The following FAM171A1 variants were observed in gnomAD, a reference collection of about 807,000 sequenced individuals.
FAM171A1 encodes the protein family with sequence similarity 171 member A1, also known as protein FAM171A1.
A neutral mutation model predicts 74.9 loss-of-function variants in FAM171A1; 23 were observed. The ratio of observed to expected loss-of-function variants is 0.31; its 90% CI spans 0.22 to 0.44. The LOEUF is 0.44. Ranked by LOEUF, FAM171A1 falls within the 20% of genes least tolerant of loss-of-function variation. FAM171A1 has a pLI of 1.00. For missense variants in FAM171A1, 1,162 were observed against 1,159.2 expected (o/e 1.00, Z -0.03); for synonymous variants, 527 against 505.7 (o/e 1.04, Z -0.57).
chr10:15,335,323 A>T (rs1250835271), intron 1 of FAM171A1, among the ~76,000 whole-genome samples: 3 of 152,204 alleles, frequency 2.0e-5, no homozygotes, highest in Non-Finnish European at 4.4e-5. Context: ...TGTGATAAGA[A>T]GTCAACACAC....
At chr10:15,269,734 C>T (rs1282781012) in intron 3 of FAM171A1, among the ~76,000 whole-genome samples, 5 of 152,192 alleles carry the variant, frequency 3.3e-5, no homozygotes, top group Non-Finnish European at 7.3e-5. Flanking sequence ...AACATGCTCT[C>T]CATTGGAGAG....
intron 4 of FAM171A1, among the ~76,000 whole-genome samples, chr10:15,249,704 G>T (rs1401776823): frequency 6.6e-6 from 1 of 152,066 alleles, no homozygotes; most frequent in Non-Finnish European, 1.5e-5. Flanking sequence ...TATTTTAATT[G>T]CCATTGTTAT....
chr10:15,214,704 G>A, intron 7 of FAM171A1, 103 bp from the exon 8 acceptor site: 2 of 1,428,788 alleles, frequency 1.4e-6, no homozygotes, highest in Non-Finnish European at 1.8e-6. Context: ...CATGGGGAGA[G>A]ACAAAACAAA....
intron 1 of FAM171A1, among the ~76,000 whole-genome samples, chr10:15,289,302 A>C (rs988870446): frequency 2.6e-5 from 4 of 152,028 alleles, no homozygotes; most frequent in Non-Finnish European, 5.9e-5. Context: ...AGACCCCATA[A>C]ACGGTCCCAG....
chr10:15,317,136 G>A (rs1835431802), intron 1 of FAM171A1, among the ~76,000 whole-genome samples: 1 of 152,128 alleles, frequency 6.6e-6, no homozygotes, highest in Non-Finnish European at 1.5e-5. Flanking sequence ...ACAGGGAGGG[G>A]CCACCAGACA....
chr10:15,364,800 G>T (rs993529132), intron 1 of FAM171A1, among the ~76,000 whole-genome samples: 4 of 152,048 alleles, frequency 2.6e-5, no homozygotes, highest in African/African-American at 2.4e-5. Flanking sequence ...TTCTCTATCT[G>T]CAAAGGTATC....
In FAM171A1 at chr10:15,318,595, C is replaced by T. The variant is rs543666670; in HGVS notation, c.98-34490G>A. Among the ~76,000 whole-genome samples, 8 of 152,282 alleles carry T rather than the reference C, an allele frequency of 5.3e-5. No individual in the cohort carries two copies. The South Asian group carries it at 6.2e-4, about 12-fold the overall frequency. ...ATGCCGGAGCTGGTTCCCATCAGTA[C>T]GTAGGTCAGTTGTTTTTAAGAGTTG... On this transcript the variant is annotated intron_variant, in intron 1 of 7. Coordinates refer to ENST00000378116, the MANE Select transcript of FAM171A1 (RefSeq NM_001010924.2).
intron 1 of FAM171A1, among the ~76,000 whole-genome samples, chr10:15,331,805 G>GTA (rs2131859684): frequency 7.9e-6 from 1 of 125,862 alleles, no homozygotes; most frequent in African/African-American, 2.8e-5. Flanking sequence ...GTGTATATAT[G>GTA]TATATATGTG....
Position 15,213,013 on chromosome 10 carries a change from C to G in FAM171A1, c.2575G>C (p.Glu859Gln), listed in dbSNP as rs372469140. ...SPHQRRSAHE[E>Q]EEDDDDDDQG... ...TCATCATCATCATCGTCTTCCTCTT[C>G]CTCGTGGGCAGATCTTCTCTGGTGG... Residue 859 changes from glutamate to glutamine, a missense_variant, in exon 8 of 8, where the codon GAA becomes CAA. Coordinates refer to ENST00000378116, the MANE Select transcript of FAM171A1 (RefSeq NM_001010924.2). The surrounding 1 kb of genome is among the most constrained non-coding windows in gnomAD (Gnocchi z 6.8). 5.0e-5 allele frequency: 80 copies of G among 1,613,982 alleles called. No homozygotes were observed. The highest frequency in any genetic ancestry group is 1.4e-4 in the South Asian group (13 of 91,078).
chr10:15,337,959 CA>C (rs200615263), intron 1 of FAM171A1, among the ~76,000 whole-genome samples: 1 of 150,978 alleles, frequency 6.6e-6, no homozygotes, highest in African/African-American at 2.4e-5. Context: ...TTAAAAAAAA[CA>C]AAAAAAACCC....
At chr10:15,335,950 C>A (rs543382926) in intron 1 of FAM171A1, among the ~76,000 whole-genome samples, 6 of 152,248 alleles carry the variant, frequency 3.9e-5, no homozygotes, top group Non-Finnish European at 7.4e-5. Flanking sequence ...TCTAAGCTTT[C>A]ATTATTTACC....
At chr10:15,295,157 T>C (rs1401779883) in intron 1 of FAM171A1, among the ~76,000 whole-genome samples, 2 of 152,136 alleles carry the variant, frequency 1.3e-5, no homozygotes, top group Non-Finnish European at 2.9e-5. Context: ...AGACTGGTCT[T>C]GAACTCCTGA....
intron 3 of FAM171A1, among the ~76,000 whole-genome samples, chr10:15,258,261 A>G (rs1834608716): frequency 6.6e-6 from 1 of 151,750 alleles, no homozygotes; most frequent in Admixed American, 6.6e-5. Flanking sequence ...AGGTTTCATC[A>G]CATTGGCCAG....
intron 4 of FAM171A1, among the ~76,000 whole-genome samples, chr10:15,252,591 G>A (rs1346873722): frequency 6.6e-6 from 1 of 152,164 alleles, no homozygotes; most frequent in African/African-American, 2.4e-5. Flanking sequence ...TGAGGTGTCT[G>A]TGCTCAAGGG....
chr10:15,213,397 C>T lies in FAM171A1; in HGVS notation c.2191G>A (p.Gly731Arg). Residue 731 changes from glycine to arginine, a missense_variant, in exon 8 of 8, where the codon GGA becomes AGA. Gly to Arg is a moderately radical substitution (Grantham distance 125, BLOSUM62 -2). Transcript: ENST00000378116. The surrounding 1 kb of genome is among the most constrained non-coding windows in gnomAD (Gnocchi z 6.8). ...RHSYIDLQRAGRNGSNDASLD... is the reference protein window; with the variant it reads ...RHSYIDLQRARRNGSNDASLD... ...CTGGCATCATTACTTCCGTTCCTTC[C>T]AGCTCTTTGGAGATCAATGTATGAA... The T allele has an allele frequency of 6.2e-7, 1 of 1,614,170 alleles. No individual in the cohort carries two copies.
intron 5 of FAM171A1, among the ~76,000 whole-genome samples, chr10:15,227,974 G>A (rs1402700909): frequency 1.3e-5 from 2 of 152,090 alleles, no homozygotes; most frequent in Non-Finnish European, 2.9e-5. Flanking sequence ...TTACCAACCA[G>A]TAATGAAATC....
chr10:15,253,717 C>G (rs1834539022), intron 4 of FAM171A1, among the ~76,000 whole-genome samples: 1 of 152,214 alleles, frequency 6.6e-6, no homozygotes, highest in African/African-American at 2.4e-5. Context: ...TAGCAGAATG[C>G]AACTCAGAAC....
At chr10:15,327,027 C>T (rs74123198) in intron 1 of FAM171A1, among the ~76,000 whole-genome samples, 2,280 of 152,294 alleles carry the variant, frequency 0.015, 57 homozygotes, top group African/African-American at 0.052. Flanking sequence ...CCAACCATCT[C>T]TTTCCTCCCT....
intron 1 of FAM171A1, among the ~76,000 whole-genome samples, chr10:15,345,676 T>G (rs1835810195): frequency 6.6e-6 from 1 of 152,072 alleles, no homozygotes; most frequent in Non-Finnish European, 1.5e-5. Context: ...GCAAAGGAGA[T>G]GCTCTAGAGA....
Sources: gnomAD v4.1 joint callset for allele counts (sites outside exome capture counted in the v4.1 genomes callset) on GRCh38, gnomAD v4.1.1 for gene constraint, Gnocchi (gnomAD v3.1) non-coding constraint, MANE v1.5 for transcripts, NCBI Gene and HGNC (gene_info 2026-07-23, HGNC 2026-07-21) for gene names.